The following HMGA2 variants were observed in gnomAD, a reference collection of about 807,000 sequenced individuals.
HMGA2 encodes the protein high mobility group AT-hook 2.
In HMGA2, 8 loss-of-function variants were observed where a neutral mutation model predicts 19.1. The observed-to-expected ratio is 0.42, with a 90% CI of 0.25 to 0.76. The LOEUF is 0.76. Among genes scored for constraint, HMGA2 ranks in the 30% least tolerant of loss-of-function variants. The pLI, the probability that HMGA2 is intolerant of heterozygous loss-of-function variation, is 0.28. For synonymous variants in HMGA2, 60 were observed against 48.8 expected (o/e 1.23, Z -0.96); for missense variants, 109 against 136.3 (o/e 0.80, Z 1.00).
chr12:65,847,965 C>A (rs894156821), intron 3 of HMGA2, among the ~76,000 whole-genome samples: 1 of 152,126 alleles, frequency 6.6e-6, no homozygotes, highest in Non-Finnish European at 1.5e-5. Context: ...TCCAAAGAGG[C>A]TACAGCAGGT....
chr12:65,868,004 T>A (rs1309075788), intron 3 of HMGA2, among the ~76,000 whole-genome samples: 3 of 152,246 alleles, frequency 2.0e-5, no homozygotes, highest in African/African-American at 4.8e-5. Context: ...ACCTTGTAGA[T>A]CTGTCCCTTT....
intron 3 of HMGA2, among the ~76,000 whole-genome samples, chr12:65,926,774 T>C (rs1238685313): frequency 6.6e-6 from 1 of 152,154 alleles, no homozygotes; most frequent in African/African-American, 2.4e-5. Flanking sequence ...AGCACCCTCA[T>C]TGTCACAGGA....
intron 4 of HMGA2, among the ~76,000 whole-genome samples, chr12:65,959,591 C>A (rs1023842342): frequency 2.0e-5 from 3 of 152,240 alleles, no homozygotes; most frequent in South Asian, 4.1e-4. Flanking sequence ...AAAATGTCAC[C>A]GTGCACTTGC....
At chr12:65,880,981 T>C (rs1328450452) in intron 3 of HMGA2, among the ~76,000 whole-genome samples, 2 of 152,176 alleles carry the variant, frequency 1.3e-5, no homozygotes, top group Non-Finnish European at 1.5e-5. Flanking sequence ...ATAATGCCTG[T>C]AGGGAAAATT....
At chr12:65,908,028 T>C (rs1434029851) in intron 3 of HMGA2, among the ~76,000 whole-genome samples, 1 of 152,168 alleles carries the variant, frequency 6.6e-6, no homozygotes, top group African/African-American at 2.4e-5. Context: ...ATCCGTAGAG[T>C]CTGCCAATTA....
chr12:65,827,936 G>C, intron 1 of HMGA2, 65 bp from the exon 2 acceptor site: 1 of 1,120,848 alleles, frequency 8.9e-7, no homozygotes, highest in South Asian at 1.2e-5. Flanking sequence ...TATAGCTAAA[G>C]AGTCAGGGTC....
intron 2 of HMGA2, among the ~76,000 whole-genome samples, chr12:65,829,447 A>G (rs1870378402): frequency 6.6e-6 from 1 of 152,028 alleles, no homozygotes; most frequent in South Asian, 2.1e-4. Context: ...CTCATTTATA[A>G]ATTAACTAAA....
intron 3 of HMGA2, among the ~76,000 whole-genome samples, chr12:65,906,499 G>T (rs189310290): frequency 6.6e-6 from 1 of 152,262 alleles, no homozygotes; most frequent in African/African-American, 2.4e-5. Context: ...AGCTTTAGAA[G>T]GAAAAAGCTA....
chr12:65,942,336 G>A (rs1876116978), intron 3 of HMGA2, among the ~76,000 whole-genome samples: 1 of 152,096 alleles, frequency 6.6e-6, no homozygotes, highest in South Asian at 2.1e-4. Flanking sequence ...AAGTGACCTA[G>A]CTTTGTGAAT....
At chr12:65,926,306 C>T (rs901882823) in intron 3 of HMGA2, among the ~76,000 whole-genome samples, 8 of 152,194 alleles carry the variant, frequency 5.3e-5, no homozygotes, top group African/African-American at 1.9e-4. Context: ...GTGGGGCTTC[C>T]TACTCAGGGG....
intron 3 of HMGA2, among the ~76,000 whole-genome samples, chr12:65,913,082 G>C (rs1305573746): frequency 6.6e-6 from 1 of 152,160 alleles, no homozygotes; most frequent in Non-Finnish European, 1.5e-5. Flanking sequence ...AGTTACACTA[G>C]ACGTTATTAA....
At chr12:65,933,029 T>C (rs1382729163) in intron 3 of HMGA2, among the ~76,000 whole-genome samples, 1 of 152,180 alleles carries the variant, frequency 6.6e-6, no homozygotes, top group African/African-American at 2.4e-5. Context: ...CTATATATGC[T>C]AAGTTTATTC....
At position 65,963,539 on chromosome 12, in the gene HMGA2, G is replaced by A. The variant is rs1876817276; in HGVS notation, c.*247G>A. The A allele has an allele frequency of 1.8e-6, 1 of 553,684 alleles. No homozygotes were observed. Among genetic ancestry groups the A allele is most frequent in the African/African-American group, 1.9e-5 (1 of 52,714 alleles). 34.3% of individuals were successfully genotyped at this position (553,684 alleles called of 1,614,324 possible). On this transcript the variant is annotated 3_prime_UTR_variant, in exon 5 of 5. Transcript: ENST00000403681. Reference sequence around the variant, plus strand: ...TTAGTGAAAAACTGCTGTAAACACAGGGGACACAGCTTAACAATGCAACTT... The same window carrying A: ...TTAGTGAAAAACTGCTGTAAACACAAGGGACACAGCTTAACAATGCAACTT...
intron 3 of HMGA2, among the ~76,000 whole-genome samples, chr12:65,879,713 C>T (rs1212860543): frequency 2.0e-5 from 3 of 152,074 alleles, no homozygotes; most frequent in African/African-American, 4.8e-5. Context: ...ACAGTAAACA[C>T]TTTAGGTGAA....
At chr12:65,927,188 ATAG>A (rs1875538039) in intron 3 of HMGA2, among the ~76,000 whole-genome samples, 1 of 152,170 alleles carries the variant, frequency 6.6e-6, no homozygotes, top group Non-Finnish European at 1.5e-5. Flanking sequence ...CTTTCCCCTC[ATAG>A]TGGGATGGCC....
At chr12:65,889,637 A>G (rs1334839038) in intron 3 of HMGA2, among the ~76,000 whole-genome samples, 2 of 152,178 alleles carry the variant, frequency 1.3e-5, no homozygotes, top group East Asian at 3.8e-4. Flanking sequence ...GTAGGTGAGG[A>G]GTTGCTGACA....
chr12:65,860,386 G>C (rs182816301), intron 3 of HMGA2, among the ~76,000 whole-genome samples: 1 of 152,198 alleles, frequency 6.6e-6, no homozygotes, highest in African/African-American at 2.4e-5. Flanking sequence ...TCTACTGAAC[G>C]TGTATCACTT....
chr12:65,852,335 A>T (rs1449028796), intron 3 of HMGA2, among the ~76,000 whole-genome samples: 1 of 151,914 alleles, frequency 6.6e-6, no homozygotes, highest in Non-Finnish European at 1.5e-5. Flanking sequence ...CATCTCTACT[A>T]AAGAAAAAAA....
intron 4 of HMGA2, chr12:65,955,191 G>A (rs886606834): frequency 3.3e-5 from 5 of 152,118 alleles, no homozygotes; most frequent in African/African-American, 9.7e-5. Context: ...TCAAAAGAAA[G>A]AAAGAAAGAA....
Sources: gnomAD v4.1 joint callset for allele counts (sites outside exome capture counted in the v4.1 genomes callset) on GRCh38, gnomAD v4.1.1 for gene constraint, MANE v1.5 for transcripts, NCBI Gene and HGNC (gene_info 2026-07-23, HGNC 2026-07-21) for gene names.